CSRNP3: variants seen among roughly 807,000 people sequenced by gnomAD.
CSRNP3 encodes cysteine/serine-rich nuclear protein 3.
CSRNP3 carries 12 observed loss-of-function variants against 48.0 expected under a neutral mutation model. The ratio of observed to expected loss-of-function variants is 0.25; its 90% CI spans 0.16 to 0.41. CSRNP3 has a LOEUF of 0.41. Ranked by LOEUF, CSRNP3 falls within the 10% of genes least tolerant of loss-of-function variation. The pLI is 1.00. For synonymous variants in CSRNP3, 263 were observed against 269.7 expected (o/e 0.98, Z 0.24); for missense variants, 580 against 724.4 (o/e 0.80, Z 2.29).
At chr2:165,674,340 T>TC (rs1334200766) in intron 5 of CSRNP3, among the ~76,000 whole-genome samples, 5 of 152,094 alleles carry the variant, frequency 3.3e-5, no homozygotes, top group Admixed American at 6.5e-5. Context: ...TCACAGAGGA[T>TC]CGAGTGTATG....
rs141249780 is a variant in CSRNP3 at position 165,603,790 on chromosome 2, A to T, written c.148+8577A>T. ...AAACTCAGCTACTTGTTAATGCCAC[A>T]CAAGCATCCCACCAGGTAGATTTTC... On this transcript the variant is annotated intron_variant, in intron 4 of 6. Transcript: ENST00000651982. 1.1e-4 allele frequency among the ~76,000 whole-genome samples: 16 copies of T among 152,286 alleles called. No homozygotes were observed. In the East Asian group the frequency reaches 2.3e-3, roughly 22 times the overall value.
chr2:165,672,498 G>T (rs1687347404), intron 5 of CSRNP3, among the ~76,000 whole-genome samples: 1 of 152,148 alleles, frequency 6.6e-6, no homozygotes, highest in African/African-American at 2.4e-5. Flanking sequence ...TCACTATGGT[G>T]AGAAAAGTAT....
At chr2:165,548,446 T>C (rs545540972) in intron 3 of CSRNP3, among the ~76,000 whole-genome samples, 1 of 152,230 alleles carries the variant, frequency 6.6e-6, no homozygotes, top group South Asian at 2.1e-4. Flanking sequence ...CCAGTAAATA[T>C]GATTTGAATT....
Position 165,676,350 on chromosome 2 carries a change from C to A in CSRNP3, c.447C>A (p.Ser149Arg), listed in dbSNP as rs1687424528. The part of the protein sequence containing the change: ...KNGTVESEEA[S>R]TLTLDDISDD... ...GCACAGTAGAATCAGAAGAAGCCAG[C>A]ACTCTTACACTGGATGACATTTCTG... Residue 149 changes from serine (S) to arginine (R), a missense_variant, in exon 6 of 7, where the codon AGC becomes AGA. Physicochemically the swap from Ser to Arg is moderately radical, Grantham distance 110. Transcript: ENST00000651982. 1 of 1,613,896 alleles carries A rather than the reference C, an allele frequency of 6.2e-7. No individual in the cohort carries two copies. The highest frequency in any genetic ancestry group is 1.7e-5 in the Admixed American group (1 of 60,000).
chr2:165,600,347 G>A (rs572718762), intron 4 of CSRNP3, among the ~76,000 whole-genome samples: 2 of 151,104 alleles, frequency 1.3e-5, no homozygotes, highest in Non-Finnish European at 3.0e-5. Context: ...TGGACATTTG[G>A]GTTGGTTCCA....
chr2:165,603,057 G>A (rs985530457), intron 4 of CSRNP3, among the ~76,000 whole-genome samples: 1 of 151,898 alleles, frequency 6.6e-6, no homozygotes, highest in Admixed American at 6.6e-5. Context: ...CATCGTGCCC[G>A]GCTAATTTTT....
At chr2:165,602,014 T>G (rs1013186331) in intron 4 of CSRNP3, among the ~76,000 whole-genome samples, 1 of 152,130 alleles carries the variant, frequency 6.6e-6, no homozygotes, top group Non-Finnish European at 1.5e-5. Context: ...AAATACAACT[T>G]GGCGATACAG....
intron 6 of CSRNP3, 67 bp downstream of exon 6, chr2:165,676,675 A>AT: frequency 2.8e-6 from 4 of 1,432,174 alleles, no homozygotes; most frequent in Non-Finnish European, 3.9e-6. Flanking sequence ...GGAGGCAGTC[A>AT]TGGTACCTAT....
chr2:165,624,696 G>A (rs898535518), intron 4 of CSRNP3, among the ~76,000 whole-genome samples: 2 of 152,088 alleles, frequency 1.3e-5, no homozygotes, highest in Admixed American at 6.5e-5. Flanking sequence ...AGCACACTGA[G>A]GTTCTCACCC....
chr2:165,647,573 C>T (rs1686834538), intron 4 of CSRNP3, among the ~76,000 whole-genome samples: 1 of 152,126 alleles, frequency 6.6e-6, no homozygotes, highest in Admixed American at 6.6e-5. Flanking sequence ...TGGTTCTCAA[C>T]AGTAATGACG....
chr2:165,609,918 A>G (rs62176869), intron 4 of CSRNP3, among the ~76,000 whole-genome samples: 22,371 of 152,210 alleles, frequency 0.15, 1,924 homozygotes, highest in East Asian at 0.36. Context: ...CACAGCCGCT[A>G]TGGAAGTAAG....
At chr2:165,641,457 A>G (rs903371034) in intron 4 of CSRNP3, among the ~76,000 whole-genome samples, 1 of 152,238 alleles carries the variant, frequency 6.6e-6, no homozygotes, top group Non-Finnish European at 1.5e-5. Flanking sequence ...GATTATTCAC[A>G]TACTCAAAAA....
chr2:165,642,138 A>T (rs1481018134), intron 4 of CSRNP3, among the ~76,000 whole-genome samples: 2 of 146,470 alleles, frequency 1.4e-5, no homozygotes, highest in African/African-American at 5.2e-5. Flanking sequence ...ACACACACAC[A>T]CACACACACG....
chr2:165,596,881 A>T (rs192131305), intron 4 of CSRNP3, among the ~76,000 whole-genome samples: 25 of 152,336 alleles, frequency 1.6e-4, no homozygotes, highest in Non-Finnish European at 3.4e-4. Flanking sequence ...CATTTATTGG[A>T]TACAGACTAT....
At chr2:165,484,566 T>G (rs1684088205) in intron 1 of CSRNP3, among the ~76,000 whole-genome samples, 2 of 152,222 alleles carry the variant, frequency 1.3e-5, no homozygotes, top group Non-Finnish European at 2.9e-5. Context: ...AGCCATGTAC[T>G]GTCAGAAAGA....
chr2:165,541,144 C>G (rs752562010), intron 3 of CSRNP3, among the ~76,000 whole-genome samples: 2 of 151,720 alleles, frequency 1.3e-5, no homozygotes, highest in African/African-American at 2.4e-5. Context: ...AATTCTAGCT[C>G]AATCCCCATC....
intron 5 of CSRNP3, among the ~76,000 whole-genome samples, chr2:165,668,397 C>CT (rs1465526682): frequency 5.2e-5 from 6 of 114,438 alleles, no homozygotes; most frequent in African/African-American, 2.2e-4. Flanking sequence ...TTCTTTCTTT[C>CT]TTTCTTTTTT....
At chr2:165,556,476 G>C (rs1383647471) in intron 3 of CSRNP3, among the ~76,000 whole-genome samples, 3 of 152,108 alleles carry the variant, frequency 2.0e-5, no homozygotes, top group African/African-American at 4.8e-5. Flanking sequence ...CAAACAGAAG[G>C]GGAGCAGGAA....
intron 4 of CSRNP3, among the ~76,000 whole-genome samples, chr2:165,637,860 C>T (rs1686657149): frequency 6.6e-6 from 1 of 152,144 alleles, no homozygotes; most frequent in Admixed American, 6.5e-5. Flanking sequence ...ATTCATTACC[C>T]TAATACAACC....
Sources: allele counts gnomAD v4.1 joint callset (sites outside exome capture counted in the v4.1 genomes callset), GRCh38; gene constraint gnomAD v4.1.1; transcripts MANE v1.5; gene names NCBI Gene and HGNC (gene_info 2026-07-23, HGNC 2026-07-21).